ANKS3: variants seen among roughly 807,000 people sequenced by gnomAD.
ANKS3 encodes ankyrin repeat and SAM domain-containing protein 3.
A neutral mutation model predicts 80.7 loss-of-function variants in ANKS3; 62 were observed. That is an observed-to-expected ratio of 0.77 (90% CI 0.63 to 0.95). The LOEUF (loss-of-function observed/expected upper bound fraction) is 0.95, where lower values mean the gene tolerates loss of function less well. Ranked by LOEUF, ANKS3 falls within the 40% of genes least tolerant of loss-of-function variation. The pLI is 0.00. For synonymous variants in ANKS3, 489 were observed against 355.3 expected, an observed-to-expected ratio of 1.38 and a Z score of -4.23; for missense variants, 1,150 against 883.6, an observed-to-expected ratio of 1.30 and a Z score of -3.82.
chr16:4,724,508 A>G (rs2081258637), intron 6 of ANKS3, among the ~76,000 whole-genome samples: 1 of 152,214 alleles, frequency 6.6e-6, no homozygotes, highest in Non-Finnish European at 1.5e-5. Context: ...ATATTTTTCC[A>G]TAATTTTCAG....
At chr16:4,724,868 GAC>G (rs1220450313) in intron 5 of ANKS3, 37 bp from the exon 6 acceptor site, 4 of 1,603,880 alleles carry the variant, frequency 2.5e-6, no homozygotes, top group Non-Finnish European at 3.4e-6. Context: ...GATTGGAAGA[GAC>G]AAGTTCCGCC....
chr16:4,718,398 G>C (rs1014989041), intron 6 of ANKS3, among the ~76,000 whole-genome samples: 2 of 152,198 alleles, frequency 1.3e-5, no homozygotes, highest in Admixed American at 6.5e-5. Flanking sequence ...CTCTTAAAGA[G>C]AGAGGCCCAG....
chr16:4,731,778 GA>G (rs1351644533), intron 1 of ANKS3, among the ~76,000 whole-genome samples, 199 bp from the exon 2 acceptor site: 1 of 152,152 alleles, frequency 6.6e-6, no homozygotes, highest in Non-Finnish European at 1.5e-5. Flanking sequence ...GCTATGGGGG[GA>G]AATATAACAG....
At chr16:4,713,125 G>C (rs1391806174) in intron 7 of ANKS3, among the ~76,000 whole-genome samples, 2 of 152,112 alleles carry the variant, frequency 1.3e-5, no homozygotes, top group Non-Finnish European at 2.9e-5. Context: ...CAAAAAATTA[G>C]CCGGGCATGG....
chr16:4,710,744 G>T (rs1156254014), intron 7 of ANKS3, among the ~76,000 whole-genome samples: 1 of 152,132 alleles, frequency 6.6e-6, no homozygotes, highest in African/African-American at 2.4e-5. Context: ...GCCAAAAAAA[G>T]ATAATAACAG....
At chr16:4,719,064 G>A (rs748404322) in intron 6 of ANKS3, among the ~76,000 whole-genome samples, 9 of 152,208 alleles carry the variant, frequency 5.9e-5, no homozygotes, top group Non-Finnish European at 1.0e-4. Context: ...GCCAAGCACC[G>A]TGGTTCCTGC....
intron 4 of ANKS3, 29 bp from the exon 5 acceptor site, chr16:4,726,809 G>T (rs370489971): frequency 8.7e-6 from 14 of 1,607,298 alleles, no homozygotes; most frequent in South Asian, 4.4e-5. Flanking sequence ...CGTGCGTTAC[G>T]GCCTCATCTC....
At chr16:4,726,634 T>C in intron 5 of ANKS3, 25 bp downstream of exon 5, 2 of 1,610,504 alleles carry the variant, frequency 1.2e-6, no homozygotes, top group Non-Finnish European at 1.7e-6. Context: ...GCCACTCCTG[T>C]GGCCACTAAA....
intron 3 of ANKS3, among the ~76,000 whole-genome samples, chr16:4,729,015 G>C (rs2081494070): frequency 6.6e-6 from 1 of 152,218 alleles, no homozygotes; most frequent in Non-Finnish European, 1.5e-5. Flanking sequence ...GAGAGGAAGA[G>C]AGGTCGCTGC....
intron 7 of ANKS3, among the ~76,000 whole-genome samples, chr16:4,713,402 G>A (rs913166841): frequency 1.3e-5 from 2 of 152,078 alleles, no homozygotes; most frequent in Admixed American, 6.6e-5. Flanking sequence ...AAAACCTACT[G>A]AAATAAAAAA....
intron 6 of ANKS3, among the ~76,000 whole-genome samples, chr16:4,721,064 G>A (rs1209093788): frequency 6.6e-6 from 1 of 150,626 alleles, no homozygotes; most frequent in South Asian, 2.1e-4. Flanking sequence ...CCAGCACTTT[G>A]GGAGGCCAAG....
chr16:4,730,677 G>C (rs1021724854), intron 2 of ANKS3, among the ~76,000 whole-genome samples: 4 of 152,082 alleles, frequency 2.6e-5, no homozygotes, highest in African/African-American at 9.7e-5. Flanking sequence ...GACCAGCCTG[G>C]CCAACATGGT....
At chr16:4,705,413 G>C (rs1596367304) in intron 7 of ANKS3, among the ~76,000 whole-genome samples, 160 bp from the exon 8 acceptor site, 1 of 152,216 alleles carries the variant, frequency 6.6e-6, no homozygotes. Flanking sequence ...TAACAGGCCG[G>C]GGCGCTGCTC....
chr16:4,731,046 T>C (rs1480795344), intron 2 of ANKS3, among the ~76,000 whole-genome samples: 3 of 152,290 alleles, frequency 2.0e-5, no homozygotes, highest in South Asian at 2.1e-4. Context: ...GATCCAACAG[T>C]TGACATGCAA....
intron 6 of ANKS3, among the ~76,000 whole-genome samples, chr16:4,714,506 C>T (rs1469899751): frequency 2.0e-5 from 3 of 152,220 alleles, no homozygotes; most frequent in African/African-American, 7.2e-5. Context: ...GGGCTGTGTC[C>T]CACTCACTTC....
In ANKS3 at chr16:4,734,062, C is replaced by A. The variant is rs1168751667; in HGVS notation, c.-195G>T. On this transcript the variant is annotated 5_prime_UTR_variant, in exon 1 of 18. Transcript: ENST00000304283. ...GTGGGGGCTCGGTCCTCCAGTCACG[C>A]GGCGAGCAAGTGCAGCGCGGGACGC... is the stretch of plus-strand genomic sequence containing the variant. The A allele has an allele frequency of 1.0e-6, 1 of 979,320 alleles. No individual in the cohort carries two copies. Among genetic ancestry groups the A allele is most frequent in the African/African-American group, 1.7e-5 (1 of 57,238 alleles). 60.7% of individuals were successfully genotyped at this position (979,320 alleles called of 1,614,324 possible).
intron 10 of ANKS3, 34 bp downstream of exon 10, chr16:4,701,400 G>T: frequency 1.3e-6 from 2 of 1,559,716 alleles, no homozygotes; most frequent in African/African-American, 1.4e-5. Context: ...GCCAGGGACC[G>T]GCTATGGGAG....
intron 1 of ANKS3, among the ~76,000 whole-genome samples, chr16:4,731,941 A>C (rs140541863): frequency 3.2e-4 from 48 of 152,326 alleles, no homozygotes; most frequent in African/African-American, 1.2e-3. Context: ...AAAGGGAGCA[A>C]AGGCGAAAAC....
In ANKS3 at chr16:4,698,808, G is replaced by A. The variant is rs781390191; in HGVS notation, c.1543C>T (p.Leu515=). 2 of 1,606,098 alleles carry A rather than the reference G, an allele frequency of 1.2e-6. No individual in the cohort carries two copies. The highest frequency in any genetic ancestry group is 1.1e-5 in the South Asian group (1 of 89,894). The change falls in exon 13 of 18, where the codon CTG becomes TTG. Residue 515 remains leucine (L), a synonymous_variant. Coordinates refer to ENST00000304283, the MANE Select transcript of ANKS3 (RefSeq NM_133450.4). The part of the protein sequence containing the change: ...EAEMQELAIQ[L]HKRCEEVEAT... The stretch of plus-strand genomic sequence containing the variant: ...CCCACCCAGCCACTCACCTTGTGCA[G>A]CTGGATGGCGAGCTCCTGCATCTCA...
Sources: gnomAD v4.1 joint callset for allele counts (sites outside exome capture counted in the v4.1 genomes callset) on GRCh38, gnomAD v4.1.1 for gene constraint, MANE v1.5 for transcripts, NCBI Gene and HGNC (gene_info 2026-07-23, HGNC 2026-07-21) for gene names.